ZNF536: variants seen among roughly 807,000 people sequenced by gnomAD.
ZNF536 encodes the protein zinc finger protein 536.
A neutral mutation model predicts 84.5 loss-of-function variants in ZNF536; 13 were observed. The ratio of observed to expected loss-of-function variants is 0.15; its 90% confidence interval spans 0.10 to 0.24. ZNF536 has a LOEUF of 0.24. Ranked by LOEUF, ZNF536 falls within the 10% of genes least tolerant of loss-of-function variation. ZNF536 has a pLI of 1.00. For synonymous variants in ZNF536, 811 were observed against 742.5 expected (o/e 1.09, Z -1.50); for missense variants, 1,536 against 1,747.5 (o/e 0.88, Z 2.16).
intron 3 of ZNF536, among the ~76,000 whole-genome samples, chr19:30,352,705 G>A (rs1259684636): frequency 2.0e-5 from 3 of 152,162 alleles, no homozygotes; most frequent in Admixed American, 6.5e-5. Flanking sequence ...TCCCCATGGG[G>A]GAGGTATTCC....
chr19:30,466,147 C>T (rs10425041), intron 2 of ZNF536, among the ~76,000 whole-genome samples: 62,382 of 151,394 alleles, frequency 0.41, 15,579 homozygotes, highest in African/African-American at 0.69. Context: ...CATTGGAGCC[C>T]AGGAGGTAGA....
intron 1 of ZNF536, among the ~76,000 whole-genome samples, chr19:30,691,692 A>T (rs1192077024): frequency 6.6e-6 from 1 of 152,136 alleles, no homozygotes; most frequent in Non-Finnish European, 1.5e-5. Context: ...TAAAACAGGC[A>T]ATCAAGCACA....
chr19:30,694,740 G>A (rs1211377932), intron 1 of ZNF536, among the ~76,000 whole-genome samples: 1 of 152,172 alleles, frequency 6.6e-6, no homozygotes, highest in Non-Finnish European at 1.5e-5. Flanking sequence ...TAACCACTAG[G>A]AGGGTGAATG....
At chr19:30,460,635 C>G (rs1422872753) in intron 2 of ZNF536, among the ~76,000 whole-genome samples, 1 of 152,140 alleles carries the variant, frequency 6.6e-6, no homozygotes, top group Admixed American at 6.5e-5. Context: ...CAATGGACAC[C>G]AGCAAAGCCA....
At chr19:30,248,075 A>G (rs1253591948) in intron 1 of ZNF536, among the ~76,000 whole-genome samples, 1 of 152,212 alleles carries the variant, frequency 6.6e-6, no homozygotes, top group Non-Finnish European at 1.5e-5. Context: ...TACAGCGTCC[A>G]CTGAATCTCT....
At position 30,466,755 on chromosome 19, in the gene ZNF536, G is replaced by A. The variant is rs78496288; in HGVS notation, c.2170+21023G>A. 5.2e-3 allele frequency among the ~76,000 whole-genome samples: 326 copies of A among 62,542 alleles called. 5 individuals carry two copies. The highest frequency in any genetic ancestry group is 0.017 in the African/African-American group (176 of 10,178). The allele number at this position is 62,542 out of a possible 152,430, so 41.0% of individuals were successfully genotyped here. A position where few individuals can be genotyped will look rare whatever the true frequency, so the allele number is the denominator to read the frequency against. ...AGGGAGGGAGGGAAGGAAGAAAGGA[G>A]GGAAGGAAGGAAGGAAGGAAGGAAG... On this transcript the variant is annotated intron_variant, in intron 2 of 4. Transcript: ENST00000355537.
intron 3 of ZNF536, among the ~76,000 whole-genome samples, chr19:30,542,026 A>G (rs1023401215): frequency 6.6e-6 from 1 of 152,260 alleles, no homozygotes; most frequent in African/African-American, 2.4e-5. Context: ...CTAAATAAAT[A>G]TCAAATTGAG....
intron 1 of ZNF536, among the ~76,000 whole-genome samples, chr19:30,655,285 G>A (rs1174964588): frequency 6.6e-6 from 1 of 152,214 alleles, no homozygotes; most frequent in Non-Finnish European, 1.5e-5. Context: ...AGAGCTTCCT[G>A]CTCTCTTCAT....
intron 3 of ZNF536, among the ~76,000 whole-genome samples, chr19:30,544,202 G>GCGA (rs1435161198): frequency 6.6e-6 from 1 of 152,228 alleles, no homozygotes; most frequent in Non-Finnish European, 1.5e-5. Context: ...AAGCCCTTTA[G>GCGA]CGACCCGGCA....
At chr19:30,266,147 C>T (rs1033130800) in intron 1 of ZNF536, among the ~76,000 whole-genome samples, 1 of 152,200 alleles carries the variant, frequency 6.6e-6, no homozygotes, top group African/African-American at 2.4e-5. Flanking sequence ...TTCCTGGGCT[C>T]AAGCAATCCT....
At chr19:30,349,239 A>G (rs530168203) in intron 2 of ZNF536, among the ~76,000 whole-genome samples, 4 of 152,238 alleles carry the variant, frequency 2.6e-5, no homozygotes, top group Admixed American at 6.5e-5. Context: ...TGTTCCAAGT[A>G]TCTGGCTGCA....
intron 1 of ZNF536, among the ~76,000 whole-genome samples, chr19:30,394,562 C>G (rs2049734483): frequency 6.6e-6 from 1 of 152,162 alleles, no homozygotes; most frequent in Non-Finnish European, 1.5e-5. Flanking sequence ...CGTCCCTTCC[C>G]CATTCTATGC....
chr19:30,444,375 G>T lies in ZNF536; in HGVS notation c.813G>T (p.Ala271=). The part of the protein sequence containing the change: ...ASVQEDAVAP[A]AGFRCTFCKG... ...TGCAGGAGGACGCGGTGGCCCCGGC[G>T]GCGGGCTTCCGCTGTACCTTCTGCA... Residue 271 remains alanine (A), a synonymous_variant, in exon 2 of 5, where the codon GCG becomes GCT. Transcript: ENST00000355537. The T allele has an allele frequency of 6.2e-7, 1 of 1,604,144 alleles. No individual in the cohort carries two copies.
intron 1 of ZNF536, among the ~76,000 whole-genome samples, chr19:30,667,150 G>T (rs1192371232): frequency 6.6e-6 from 1 of 152,158 alleles, no homozygotes; most frequent in Non-Finnish European, 1.5e-5. Context: ...ACAGCACCGA[G>T]GACTAATGAC....
rs183359399 is a variant in ZNF536, at chr19:30,417,350, G to A, written c.-2-26211G>A. 1.3e-4 allele frequency among the ~76,000 whole-genome samples: 19 copies of A among 151,884 alleles called. No individual in the cohort carries two copies. The East Asian group carries it at 2.3e-3, about 19-fold the overall frequency. Reference sequence around the variant, plus strand: ...AATATCTCAACATTCCTGGCATGCCGATGACCTGCTTCTTGTTTATTTAGT... The same window carrying A: ...AATATCTCAACATTCCTGGCATGCCAATGACCTGCTTCTTGTTTATTTAGT... On this transcript the variant is annotated intron_variant, in intron 1 of 4. Coordinates refer to ENST00000355537, the MANE Select transcript of ZNF536 (RefSeq NM_014717.3).
chr19:30,330,499 C>A (rs1300491734), intron 2 of ZNF536, among the ~76,000 whole-genome samples: 1 of 152,124 alleles, frequency 6.6e-6, no homozygotes, highest in South Asian at 2.1e-4. Flanking sequence ...GATGGGGAGG[C>A]CTCGTTACAA....
At chr19:30,626,219 A>G (rs901338810) in intron 1 of ZNF536, among the ~76,000 whole-genome samples, 1 of 152,200 alleles carries the variant, frequency 6.6e-6, no homozygotes, top group Admixed American at 6.5e-5. Flanking sequence ...TGTCTGACCT[A>G]TGAGGGGATA....
At chr19:30,260,663 G>C (rs2025160042) in intron 1 of ZNF536, among the ~76,000 whole-genome samples, 2 of 152,220 alleles carry the variant, frequency 1.3e-5, no homozygotes. Flanking sequence ...CTCTAGGTTG[G>C]GAAGTGACAG....
chr19:30,319,506 T>G (rs957389975), intron 2 of ZNF536, among the ~76,000 whole-genome samples: 12 of 152,386 alleles, frequency 7.9e-5, no homozygotes, highest in African/African-American at 2.9e-4. Context: ...GCCCTTGCTT[T>G]GAGTTAGTTC....
Sources: gnomAD v4.1 joint callset for allele counts (sites outside exome capture counted in the v4.1 genomes callset) on GRCh38, gnomAD v4.1.1 for gene constraint, MANE v1.5 for transcripts, NCBI Gene and HGNC (gene_info 2026-07-23, HGNC 2026-07-21) for gene names.